GRM7: variants seen among roughly 807,000 people sequenced by gnomAD.
GRM7 encodes metabotropic glutamate receptor 7.
In GRM7, 35 loss-of-function variants were observed where a neutral mutation model predicts 84.5. The ratio of observed to expected loss-of-function variants is 0.41; its 90% CI spans 0.32 to 0.55. The LOEUF is 0.55. GRM7 is among the 20% of genes least tolerant of loss of function. The pLI is 0.19. For synonymous variants in GRM7, 487 were observed against 455.1 expected (o/e 1.07, Z -0.89); for missense variants, 1,003 against 1,194.6 (o/e 0.84, Z 2.36).
intron 4 of GRM7, 107 bp downstream of exon 4, chr3:7,306,759 G>A: frequency 1.1e-6 from 1 of 916,292 alleles, no homozygotes; most frequent in South Asian, 1.9e-5. Context: ...AAACTCATGT[G>A]GGGTTGTTTC....
chr3:6,882,709 T>C (rs1695556987), intron 1 of GRM7, among the ~76,000 whole-genome samples: 1 of 152,208 alleles, frequency 6.6e-6, no homozygotes, highest in African/African-American at 2.4e-5. Context: ...ACTATAAAAA[T>C]GTTTTGTATC....
intron 1 of GRM7, among the ~76,000 whole-genome samples, chr3:7,081,705 T>C (rs773682036): frequency 6.6e-6 from 1 of 152,074 alleles, no homozygotes; most frequent in Non-Finnish European, 1.5e-5. Flanking sequence ...TAGTTATGAA[T>C]GCAAAGGAAA....
chr3:7,371,883 G>T (rs1027334899), intron 4 of GRM7, among the ~76,000 whole-genome samples: 1 of 152,134 alleles, frequency 6.6e-6, no homozygotes, highest in Non-Finnish European at 1.5e-5. Flanking sequence ...TCAGTGAGTG[G>T]GTGGGCGTGG....
At chr3:7,344,542 A>G (rs1038290162) in intron 4 of GRM7, among the ~76,000 whole-genome samples, 20 of 152,096 alleles carry the variant, frequency 1.3e-4, no homozygotes, top group African/African-American at 3.4e-4. Context: ...ATAAAAAGTA[A>G]TGTCTGCTTT....
chr3:7,032,915 C>A (rs371614359), intron 1 of GRM7, among the ~76,000 whole-genome samples: 1 of 152,092 alleles, frequency 6.6e-6, no homozygotes, highest in Non-Finnish European at 1.5e-5. Context: ...TAACTTACCC[C>A]CTTCTATGGT....
intron 1 of GRM7, among the ~76,000 whole-genome samples, chr3:6,951,068 C>T (rs1374519497): frequency 6.6e-6 from 1 of 152,176 alleles, no homozygotes; most frequent in Non-Finnish European, 1.5e-5. Context: ...CTGTCCGGCA[C>T]TCCCCAGTGA....
chr3:7,573,830 C>T (rs758412751), intron 7 of GRM7, among the ~76,000 whole-genome samples: 1 of 152,184 alleles, frequency 6.6e-6, no homozygotes, highest in Non-Finnish European at 1.5e-5. Context: ...GAGTTGCCTA[C>T]TATCCACGTA....
chr3:7,272,160 C>T (rs2124979722), intron 2 of GRM7, among the ~76,000 whole-genome samples: 1 of 152,264 alleles, frequency 6.6e-6, no homozygotes, highest in South Asian at 2.1e-4. Context: ...CTCTCTCCCT[C>T]CGTAACCCCA....
At chr3:6,883,253 A>G (rs1695578109) in intron 1 of GRM7, among the ~76,000 whole-genome samples, 1 of 152,072 alleles carries the variant, frequency 6.6e-6, no homozygotes, top group South Asian at 2.1e-4. Flanking sequence ...ACATTGATTT[A>G]CAATAACTTT....
intron 8 of GRM7, among the ~76,000 whole-genome samples, chr3:7,648,727 A>G (rs1348899181): frequency 6.6e-6 from 1 of 152,112 alleles, no homozygotes; most frequent in Non-Finnish European, 1.5e-5. Flanking sequence ...TGTTGTGAAA[A>G]TATCAAAAGG....
chr3:6,906,010 C>T (rs1271188157), intron 1 of GRM7, among the ~76,000 whole-genome samples: 2 of 152,194 alleles, frequency 1.3e-5, no homozygotes, highest in Non-Finnish European at 2.9e-5. Context: ...TAAGCCACCT[C>T]ACCTTTATTT....
chr3:6,896,471 C>T (rs1318711726), intron 1 of GRM7, among the ~76,000 whole-genome samples: 1 of 152,168 alleles, frequency 6.6e-6, no homozygotes, highest in Non-Finnish European at 1.5e-5. Flanking sequence ...TAACTTGTAA[C>T]TCAATATATT....
chr3:7,352,559 A>C (rs1057288047), intron 4 of GRM7, among the ~76,000 whole-genome samples: 1 of 152,098 alleles, frequency 6.6e-6, no homozygotes, highest in Non-Finnish European at 1.5e-5. Context: ...TCATCATGCA[A>C]TTGGCTGATT....
At chr3:7,331,506 A>AG (rs1240251614) in intron 4 of GRM7, among the ~76,000 whole-genome samples, 8 of 152,236 alleles carry the variant, frequency 5.3e-5, no homozygotes, top group Admixed American at 3.9e-4. Flanking sequence ...AGACACAAAT[A>AG]TTCCACTCTG....
At chr3:7,238,833 C>T (rs535963993) in intron 2 of GRM7, among the ~76,000 whole-genome samples, 1 of 137,072 alleles carries the variant, frequency 7.3e-6, no homozygotes, top group Admixed American at 7.0e-5. Context: ...TCTCCTCTCC[C>T]CTCCCCTCCC....
chr3:7,351,312 T>G (rs1464706433), intron 4 of GRM7, among the ~76,000 whole-genome samples: 23 of 120,920 alleles, frequency 1.9e-4, no homozygotes, highest in Non-Finnish European at 3.2e-5. Flanking sequence ...CTCCCAATAT[T>G]CACTCAGTTG....
At chr3:7,389,505 T>G (rs1453476377) in intron 4 of GRM7, among the ~76,000 whole-genome samples, 1 of 152,128 alleles carries the variant, frequency 6.6e-6, no homozygotes, top group African/African-American at 2.4e-5. Context: ...AGTCTTTTCT[T>G]AGGTATAAAC....
intron 2 of GRM7, among the ~76,000 whole-genome samples, chr3:7,244,247 G>A (rs1697671048): frequency 1.3e-5 from 2 of 152,010 alleles, no homozygotes; most frequent in Non-Finnish European, 2.9e-5. Context: ...TTAAAACACA[G>A]ACATATTGTA....
intron 1 of GRM7, among the ~76,000 whole-genome samples, chr3:7,035,818 C>A (rs946181527): frequency 6.6e-6 from 1 of 152,178 alleles, no homozygotes; most frequent in East Asian, 1.9e-4. Flanking sequence ...CCCTTCTCAG[C>A]CCCCATGTCT....
Sources: gnomAD v4.1 joint callset for allele counts (sites outside exome capture counted in the v4.1 genomes callset) on GRCh38, gnomAD v4.1.1 for gene constraint, MANE v1.5 for transcripts, NCBI Gene and HGNC (gene_info 2026-07-23, HGNC 2026-07-21) for gene names.